The following CDIN1 variants were observed in gnomAD, a reference collection of about 807,000 sequenced individuals.
CDIN1 encodes CDAN1 interacting nuclease 1.
CDIN1 carries 33 observed loss-of-function variants against 45.3 expected under a neutral mutation model. The observed-to-expected ratio is 0.73, with a 90% CI of 0.55 to 0.97. CDIN1 has a LOEUF of 0.97. Among genes scored for constraint, CDIN1 ranks in the 50% least tolerant of loss-of-function variants. CDIN1 has a pLI of 0.00. For synonymous variants in CDIN1, 118 were observed against 124.4 expected, an observed-to-expected ratio of 0.95 and a Z score of 0.34; for missense variants, 303 against 339.4, an observed-to-expected ratio of 0.89 and a Z score of 0.84.
chr15:36,739,743 A>G (rs12595466), intron 10 of CDIN1, among the ~76,000 whole-genome samples: 38,815 of 152,146 alleles, frequency 0.26, 5,203 homozygotes, highest in East Asian at 0.4. Flanking sequence ...CTTGGATCCA[A>G]CTGAAAATAA....
chr15:36,766,573 C>T (rs1279245673), intron 10 of CDIN1, among the ~76,000 whole-genome samples: 1 of 152,168 alleles, frequency 6.6e-6, no homozygotes, highest in Non-Finnish European at 1.5e-5. Context: ...ACACTTGCTA[C>T]CTTTTGTTTT....
At chr15:36,795,110 G>T (rs1177984766) in intron 10 of CDIN1, among the ~76,000 whole-genome samples, 5 of 152,174 alleles carry the variant, frequency 3.3e-5, no homozygotes, top group African/African-American at 1.2e-4. Flanking sequence ...AGAGTAGAGT[G>T]ACAGCTATCC....
chr15:36,607,530 T>C (rs1053207564), intron 1 of CDIN1, among the ~76,000 whole-genome samples: 3 of 152,124 alleles, frequency 2.0e-5, no homozygotes, highest in African/African-American at 7.2e-5. Flanking sequence ...CCACTAGAAG[T>C]GTGCCCGCGA....
intron 10 of CDIN1, among the ~76,000 whole-genome samples, chr15:36,754,586 A>G (rs74008771): frequency 0.019 from 2,905 of 149,492 alleles, 86 homozygotes; most frequent in African/African-American, 0.069. Flanking sequence ...AAAAAAAAAA[A>G]GGCCAAGTAA....
chr15:36,739,906 A>G (rs559481894), intron 10 of CDIN1, among the ~76,000 whole-genome samples: 4 of 152,222 alleles, frequency 2.6e-5, no homozygotes, highest in Non-Finnish European at 4.4e-5. Flanking sequence ...ACAAAGTTTT[A>G]TTCTTTTTTT....
intron 1 of CDIN1, among the ~76,000 whole-genome samples, chr15:36,607,416 A>G (rs2038428147): frequency 6.6e-6 from 1 of 152,218 alleles, no homozygotes; most frequent in Non-Finnish European, 1.5e-5. Context: ...GAAATACCCA[A>G]TTTATTAGTT....
At chr15:36,793,498 T>C (rs11638561) in intron 10 of CDIN1, among the ~76,000 whole-genome samples, 16,086 of 152,204 alleles carry the variant, frequency 0.11, 1,012 homozygotes, top group Non-Finnish European at 0.15. Flanking sequence ...TAATGCATTT[T>C]TGGGGGATTA....
intron 10 of CDIN1, among the ~76,000 whole-genome samples, chr15:36,774,163 T>TGTGTGTGTGTGTGCGCGCGCGC (rs149222188): frequency 1.1e-4 from 16 of 143,150 alleles, no homozygotes; most frequent in African/African-American, 4.2e-4. Flanking sequence ...TGTGTGTGTG[T>TGTGTGTGTGTGTGCGCGCGCGC]GCGCGCGCGC....
chr15:36,759,772 G>A (rs1333376728), intron 10 of CDIN1, among the ~76,000 whole-genome samples: 3 of 152,120 alleles, frequency 2.0e-5, no homozygotes, highest in Non-Finnish European at 4.4e-5. Context: ...CATGGTGGAA[G>A]GGCAAAGCAG....
At chr15:36,716,776 A>G (rs1270477040) in intron 10 of CDIN1, among the ~76,000 whole-genome samples, 1 of 152,182 alleles carries the variant, frequency 6.6e-6, no homozygotes, top group Non-Finnish European at 1.5e-5. Flanking sequence ...TCTGCTTCCA[A>G]ACAGAGTCTT....
At chr15:36,618,761 C>CAAACA (rs1491259961) in intron 1 of CDIN1, 5 of 616,216 alleles carry the variant, frequency 8.1e-6, no homozygotes. Context: ...ACAACTCAGC[C>CAAACA]AAAAAAAAAA....
chr15:36,697,420 G>C, intron 8 of CDIN1, 30 bp downstream of exon 8: 2 of 1,549,256 alleles, frequency 1.3e-6, no homozygotes, highest in Non-Finnish European at 1.8e-6. Flanking sequence ...TCTCTAGCTT[G>C]TGTTGTCTCC....
chr15:36,763,446 C>T (rs542241609), intron 10 of CDIN1, among the ~76,000 whole-genome samples: 3 of 152,138 alleles, frequency 2.0e-5, no homozygotes, highest in Non-Finnish European at 2.9e-5. Context: ...CTTTCTAGGA[C>T]AGCTGTGCTT....
Position 36,808,767 on chromosome 15 carries a change from A to G in CDIN1, c.*314A>G. 1 of 457,498 alleles carries G rather than the reference A, an allele frequency of 2.2e-6. No individual in the cohort carries two copies. Among genetic ancestry groups the G allele is most frequent in the Non-Finnish European group, 4.3e-6 (1 of 235,134 alleles). 28.3% of individuals were successfully genotyped at this position (457,498 alleles called of 1,614,324 possible). A position where few individuals can be genotyped will look rare whatever the true frequency, so the allele number is the denominator to read the frequency against. ...GATGGTTTATCCTTGTATGCTGAACAAAAGAAAAAATGTGAAGACTGAAAG... is the reference window on the plus strand; with the variant it reads ...GATGGTTTATCCTTGTATGCTGAACGAAAGAAAAAATGTGAAGACTGAAAG... On this transcript the variant is annotated 3_prime_UTR_variant, in exon 11 of 11. Coordinates refer to ENST00000566621, the MANE Select transcript of CDIN1 (RefSeq NM_001321759.2).
chr15:36,724,574 T>A (rs2140891321), intron 10 of CDIN1, among the ~76,000 whole-genome samples: 1 of 152,046 alleles, frequency 6.6e-6, no homozygotes, highest in Non-Finnish European at 1.5e-5. Flanking sequence ...GGAATGTGAG[T>A]GATGGGTCAG....
intron 1 of CDIN1, among the ~76,000 whole-genome samples, chr15:36,589,542 GCT>G (rs2037468654): frequency 6.7e-6 from 1 of 150,374 alleles, no homozygotes; most frequent in Non-Finnish European, 1.5e-5. Context: ...GTCTTGCTCT[GCT>G]TCCCAGGCTG....
At chr15:36,580,986 T>A (rs1236130397) in intron 1 of CDIN1, among the ~76,000 whole-genome samples, 1 of 152,262 alleles carries the variant, frequency 6.6e-6, no homozygotes, top group Non-Finnish European at 1.5e-5. Context: ...GTTATGACTT[T>A]GCTTTTTGAA....
At chr15:36,782,434 T>C (rs1459518357) in intron 10 of CDIN1, among the ~76,000 whole-genome samples, 1 of 152,196 alleles carries the variant, frequency 6.6e-6, no homozygotes. Flanking sequence ...AATTAACTAA[T>C]AATTTAGCAT....
At chr15:36,595,843 C>T (rs538368773) in intron 1 of CDIN1, among the ~76,000 whole-genome samples, 61 of 152,348 alleles carry the variant, frequency 4.0e-4, no homozygotes, top group South Asian at 8.3e-4. Flanking sequence ...ATATTGCTGT[C>T]CTTCAGCAGC....
Sources: allele counts gnomAD v4.1 joint callset (sites outside exome capture counted in the v4.1 genomes callset), GRCh38; gene constraint gnomAD v4.1.1; transcripts MANE v1.5; gene names NCBI Gene and HGNC (gene_info 2026-07-23, HGNC 2026-07-21).